PPARG: variants seen among roughly 807,000 people sequenced by gnomAD.
PPARG encodes peroxisome proliferator activated receptor gamma.
A neutral mutation model predicts 39.2 loss-of-function variants in PPARG; 17 were observed. The ratio of observed to expected loss-of-function variants is 0.43; its 90% CI spans 0.30 to 0.65. PPARG has a LOEUF of 0.65. Ranked by LOEUF, PPARG falls within the 30% of genes least tolerant of loss-of-function variation. PPARG has a pLI of 0.13. For synonymous variants in PPARG, 223 were observed against 215.7 expected (o/e 1.03, Z -0.30); for missense variants, 406 against 585.9 (o/e 0.69, Z 3.17).
In PPARG at chr3:12,378,202, C is replaced by T. The variant is rs114775786; in HGVS notation, c.-8-1502C>T. On this transcript the variant is annotated intron_variant, in intron 2 of 7. Coordinates refer to ENST00000651735, the MANE Select transcript of PPARG (RefSeq NM_138711.6). ...AAATTGGTATAGTCATTATGGAAAACAGAATGGACTGCCTCAAAAAATTAA... is the reference window on the plus strand; with the variant it reads ...AAATTGGTATAGTCATTATGGAAAATAGAATGGACTGCCTCAAAAAATTAA... Among the ~76,000 whole-genome samples, 849 of 152,260 alleles carry T rather than the reference C, an allele frequency of 5.6e-3. 11 individuals are homozygous for T. Among genetic ancestry groups the T allele is most frequent in the African/African-American group, 0.019 (788 of 41,554 alleles).
chr3:12,298,147 A>C (rs2046835957), intron 1 of PPARG, among the ~76,000 whole-genome samples: 1 of 149,914 alleles, frequency 6.7e-6, no homozygotes, highest in Admixed American at 6.7e-5. Flanking sequence ...AAAATACAAA[A>C]AATTAGCCGG....
intron 2 of PPARG, among the ~76,000 whole-genome samples, chr3:12,345,694 G>C (rs527338790): frequency 6.6e-6 from 1 of 151,922 alleles, no homozygotes; most frequent in Non-Finnish European, 1.5e-5. Context: ...ATTAAGTTTC[G>C]TGAGCCCGTG....
At chr3:12,354,753 CAAAA>C (rs71063823) in intron 2 of PPARG, among the ~76,000 whole-genome samples, 8 of 116,224 alleles carry the variant, frequency 6.9e-5, no homozygotes, top group Admixed American at 1.7e-4. Flanking sequence ...GACTCCATCT[CAAAA>C]AAAAAAAAAA....
chr3:12,375,073 G>T (rs1301805698), intron 2 of PPARG, among the ~76,000 whole-genome samples: 1 of 152,034 alleles, frequency 6.6e-6, no homozygotes, highest in East Asian at 1.9e-4. Flanking sequence ...GACCCCTAGG[G>T]ATATGACTTT....
chr3:12,333,497 C>T (rs960634473), intron 2 of PPARG, among the ~76,000 whole-genome samples: 3 of 152,116 alleles, frequency 2.0e-5, no homozygotes, highest in Non-Finnish European at 2.9e-5. Context: ...CAGAGTCTCA[C>T]TCTGTTGCTC....
At chr3:12,426,537 G>A (rs771120206) in intron 7 of PPARG, among the ~76,000 whole-genome samples, 7 of 152,082 alleles carry the variant, frequency 4.6e-5, no homozygotes, top group Non-Finnish European at 8.8e-5. Context: ...GGAAAGCAGC[G>A]GGGGGCAGGG....
intron 2 of PPARG, among the ~76,000 whole-genome samples, chr3:12,375,823 A>G (rs1326563876): frequency 6.6e-6 from 1 of 152,208 alleles, no homozygotes; most frequent in East Asian, 1.9e-4. Flanking sequence ...TGAAACACAG[A>G]TAACTTAAGG....
intron 2 of PPARG, among the ~76,000 whole-genome samples, chr3:12,369,949 T>C (rs1408622344): frequency 6.6e-6 from 1 of 152,166 alleles, no homozygotes; most frequent in Non-Finnish European, 1.5e-5. Flanking sequence ...GCCTTCTTCC[T>C]CCTGCATTTT....
At chr3:12,342,783 T>C (rs1289617030) in intron 2 of PPARG, among the ~76,000 whole-genome samples, 2 of 151,736 alleles carry the variant, frequency 1.3e-5, no homozygotes, top group African/African-American at 2.4e-5. Context: ...GGTTCTATAA[T>C]AATGAAAGGT....
chr3:12,397,405 ATTATTAT>A (rs1022183647), intron 5 of PPARG, among the ~76,000 whole-genome samples: 12 of 145,960 alleles, frequency 8.2e-5, no homozygotes, highest in African/African-American at 2.0e-4. Context: ...TATTATTATT[ATTATTAT>A]TATTATTATT....
At chr3:12,328,605 C>A (rs571619134) in intron 2 of PPARG, among the ~76,000 whole-genome samples, 1 of 152,326 alleles carries the variant, frequency 6.6e-6, no homozygotes, top group South Asian at 2.1e-4. Context: ...CAATAAAAAG[C>A]ATCTGTCCCA....
At chr3:12,325,354 G>A (rs922765130) in intron 2 of PPARG, among the ~76,000 whole-genome samples, 3 of 152,220 alleles carry the variant, frequency 2.0e-5, no homozygotes, top group Non-Finnish European at 4.4e-5. Context: ...CCAAGAGGCG[G>A]AGGTTGCAGT....
At chr3:12,337,627 A>G (rs1187369675) in intron 2 of PPARG, among the ~76,000 whole-genome samples, 2 of 152,202 alleles carry the variant, frequency 1.3e-5, no homozygotes, top group Non-Finnish European at 2.9e-5. Context: ...GCCTGAATTC[A>G]TAAACCGAGT....
intron 1 of PPARG, among the ~76,000 whole-genome samples, chr3:12,306,317 C>A (rs1391858366): frequency 3.9e-5 from 6 of 152,210 alleles, no homozygotes; most frequent in African/African-American, 1.4e-4. Flanking sequence ...TGTTCGCTCG[C>A]CCACCACTCA....
At chr3:12,417,877 CTTTTTTTTTTCTT>C (rs1553650706) in intron 7 of PPARG, among the ~76,000 whole-genome samples, 4 of 64,648 alleles carry the variant, frequency 6.2e-5, no homozygotes, top group Admixed American at 3.2e-4. Flanking sequence ...TGACTTTTTT[CTTTTTTTTTTCTT>C]TTTTTTTTTT....
chr3:12,343,351 T>C (rs2048237884), intron 2 of PPARG, among the ~76,000 whole-genome samples: 1 of 152,198 alleles, frequency 6.6e-6, no homozygotes, highest in Non-Finnish European at 1.5e-5. Flanking sequence ...CCTGAAGGCT[T>C]TTTGGATTCC....
intron 2 of PPARG, among the ~76,000 whole-genome samples, chr3:12,374,889 A>G (rs925107388): frequency 2.0e-5 from 3 of 152,174 alleles, no homozygotes; most frequent in African/African-American, 7.2e-5. Flanking sequence ...GCAAAACAAA[A>G]CGAAAACAGA....
At chr3:12,406,225 T>C in intron 6 of PPARG, 144 bp downstream of exon 6, 1 of 844,064 alleles carries the variant, frequency 1.2e-6, no homozygotes, top group South Asian at 1.5e-5. Flanking sequence ...GCAGGCTGAG[T>C]CTGAAACGCA....
intron 2 of PPARG, among the ~76,000 whole-genome samples, chr3:12,313,355 A>AG (rs1381973042): frequency 6.6e-6 from 1 of 152,190 alleles, no homozygotes; most frequent in Non-Finnish European, 1.5e-5. Flanking sequence ...GTAGCAAACT[A>AG]GATCGTGGTT....
Sources: gnomAD v4.1 joint callset for allele counts (sites outside exome capture counted in the v4.1 genomes callset) on GRCh38, gnomAD v4.1.1 for gene constraint, MANE v1.5 for transcripts, NCBI Gene and HGNC (gene_info 2026-07-23, HGNC 2026-07-21) for gene names.